The following CUL3 variants were observed in gnomAD, a reference collection of about 807,000 sequenced individuals.
CUL3 encodes the protein cullin-3.
A neutral mutation model predicts 89.1 loss-of-function variants in CUL3; 19 were observed. The ratio of observed to expected loss-of-function variants is 0.21; its 90% CI spans 0.15 to 0.31. The LOEUF (loss-of-function observed/expected upper bound fraction) is 0.31, where lower values mean the gene tolerates loss of function less well. CUL3 is among the 10% of genes least tolerant of loss of function. The pLI, the probability that CUL3 is intolerant of heterozygous loss-of-function variation, is 1.00. For missense variants in CUL3, 469 were observed against 942.3 expected (o/e 0.50, Z 6.58); for synonymous variants, 351 against 308.4 (o/e 1.14, Z -1.45).
intron 1 of CUL3, among the ~76,000 whole-genome samples, chr2:224,584,205 G>A (rs1695511849): frequency 6.6e-6 from 1 of 152,272 alleles, no homozygotes; most frequent in East Asian, 1.9e-4. Flanking sequence ...TACTCCGCAA[G>A]GCGACTACAC....
At chr2:224,536,113 C>T (rs1472974675) in intron 2 of CUL3, among the ~76,000 whole-genome samples, 1 of 152,182 alleles carries the variant, frequency 6.6e-6, no homozygotes, top group East Asian at 1.9e-4. Flanking sequence ...AACCTCTGTG[C>T]CTCAGTTTCC....
intron 1 of CUL3, among the ~76,000 whole-genome samples, chr2:224,574,689 T>C (rs1401078915): frequency 6.6e-6 from 1 of 152,134 alleles, no homozygotes; most frequent in Non-Finnish European, 1.5e-5. Context: ...GAAACAGAAT[T>C]ATAGTTGAAA....
chr2:224,559,276 CCT>C (rs544673478), intron 1 of CUL3, among the ~76,000 whole-genome samples: 71 of 151,532 alleles, frequency 4.7e-4, no homozygotes, highest in Non-Finnish European at 5.3e-4. Context: ...ACAGTGAGAC[CCT>C]GTCTCTACAA....
rs919477811 is a variant in CUL3, at chr2:224,485,975, G to A, written c.1843-3897C>T. ...GGTGATACGTAGGTGAACAGGGTCT[G>A]GAGTGGACCTCCAGCAAACTGCAGC... is the stretch of plus-strand genomic sequence containing the variant. On this transcript the variant is annotated intron_variant, in intron 13 of 15. Coordinates refer to ENST00000264414, the MANE Select transcript of CUL3 (RefSeq NM_003590.5). The surrounding 1 kb of genome is among the most constrained non-coding windows in gnomAD (Gnocchi z 4.1). Among the ~76,000 whole-genome samples the A allele has an allele frequency of 6.6e-6, 1 of 152,258 alleles. No homozygotes were observed. Among genetic ancestry groups the A allele is most frequent in the Non-Finnish European group, 1.5e-5 (1 of 68,046 alleles).
intron 6 of CUL3, among the ~76,000 whole-genome samples, chr2:224,507,936 T>G (rs1211574163): frequency 2.0e-5 from 3 of 152,134 alleles, no homozygotes; most frequent in Non-Finnish European, 4.4e-5. Context: ...CTGTAAAGTA[T>G]CAGATAATAA....
chr2:224,537,320 C>A (rs1237242247), intron 2 of CUL3, among the ~76,000 whole-genome samples: 1 of 152,056 alleles, frequency 6.6e-6, no homozygotes, highest in Non-Finnish European at 1.5e-5. Flanking sequence ...AATGATGAGA[C>A]AATATATCTA....
intron 1 of CUL3, among the ~76,000 whole-genome samples, chr2:224,570,191 G>T (rs1228547503): frequency 3.3e-5 from 5 of 151,874 alleles, no homozygotes; most frequent in Non-Finnish European, 7.4e-5. Context: ...TAATGATAAG[G>T]AGTCTTATTT....
At chr2:224,559,294 T>C (rs561279496) in intron 1 of CUL3, among the ~76,000 whole-genome samples, 10 of 150,834 alleles carry the variant, frequency 6.6e-5, no homozygotes, top group Admixed American at 1.3e-4. Flanking sequence ...TACAAAAAAA[T>C]TTTTTAAGAA....
intron 6 of CUL3, among the ~76,000 whole-genome samples, chr2:224,510,929 T>C (rs1200009553): frequency 1.3e-5 from 2 of 152,176 alleles, no homozygotes; most frequent in Non-Finnish European, 2.9e-5. Context: ...CTGTCACAAC[T>C]AAATCCCAAA....
At chr2:224,565,537 GC>G (rs1695022533) in intron 1 of CUL3, among the ~76,000 whole-genome samples, 1 of 152,070 alleles carries the variant, frequency 6.6e-6, no homozygotes, top group African/African-American at 2.4e-5. Flanking sequence ...CAAATCTTTT[GC>G]CACTGTTTGT....
rs1378177790 is a variant in CUL3, at chr2:224,478,211, G to C, written c.2164C>G (p.Leu722Val). Residue 722 changes from leucine to valine, a missense_variant, in exon 15 of 16, where the codon CTA becomes GTA. Leu to Val is a conservative substitution (Grantham distance 32). This residue lies in a region of CUL3 where 65 missense variants were observed against 147.8 expected (regional missense o/e 0.44). Coordinates refer to ENST00000264414, the MANE Select transcript of CUL3 (RefSeq NM_003590.5). ...TGAAGAGTCCTCACCTCCGCTACTA[G>C]AACATTGTGCTGCATCTTCTTTCTA... is the stretch of plus-strand genomic sequence containing the variant. Reference protein sequence around the residue: ...KSRKKMQHNVLVAEVTQQLKA... With the variant: ...KSRKKMQHNVVVAEVTQQLKA... The C allele has an allele frequency of 6.2e-7, 1 of 1,612,552 alleles. No homozygotes were observed. Among genetic ancestry groups the C allele is most frequent in the Non-Finnish European group, 8.5e-7 (1 of 1,179,126 alleles).
At chr2:224,489,359 A>G (rs1691864714) in intron 13 of CUL3, among the ~76,000 whole-genome samples, 2 of 152,232 alleles carry the variant, frequency 1.3e-5, no homozygotes, top group South Asian at 4.1e-4. Context: ...GGAAAACCCC[A>G]TCGTCTCAGC....
chr2:224,482,581 A>G lies in CUL3; in HGVS notation c.1843-503T>C, dbSNP rs1184338754. ...TGACCATATGTATGCTTCTATGACC[A>G]AATGAAGAAAAAAAAAAACCTGGAA... On this transcript the variant is annotated intron_variant, in intron 13 of 15. Transcript: ENST00000264414. Among the ~76,000 whole-genome samples, 5 of 152,190 alleles carry G rather than the reference A, an allele frequency of 3.3e-5. No individual in the cohort carries two copies. The East Asian group carries it at 9.6e-4, about 29-fold the overall frequency.
intron 8 of CUL3, 100 bp downstream of exon 8, chr2:224,505,856 G>A (rs1039390435): frequency 6.7e-6 from 5 of 749,480 alleles, no homozygotes. Flanking sequence ...CACAGCAATG[G>A]GTCATGCTTA....
chr2:224,585,086 G>A lies in CUL3; in HGVS notation c.-77C>T, dbSNP rs1168955314. ...GTGTCACATTTAAGGCGGGCAGGCA[G>A]GCTAGGGGCGACGCTGGGGGCGGCG... is the stretch of plus-strand genomic sequence containing the variant. On this transcript the variant is annotated 5_prime_UTR_variant, in exon 1 of 16. Transcript: ENST00000264414. 6.5e-6 allele frequency: 8 copies of A among 1,225,766 alleles called. No individual in the cohort carries two copies. The Admixed American group carries it at 8.1e-5, about 12-fold the overall frequency. The allele number at this position is 1,225,766 out of a possible 1,614,324, so 75.9% of individuals were successfully genotyped here.
At chr2:224,553,012 G>C (rs941135690) in intron 2 of CUL3, among the ~76,000 whole-genome samples, 1 of 152,182 alleles carries the variant, frequency 6.6e-6, no homozygotes, top group African/African-American at 2.4e-5. Context: ...CTATGCTTTT[G>C]CACATTGTAT....
intron 3 of CUL3, among the ~76,000 whole-genome samples, chr2:224,535,082 C>T (rs917721148): frequency 5.3e-5 from 8 of 151,830 alleles, no homozygotes; most frequent in East Asian, 1.9e-4. Flanking sequence ...ACATAGGCTT[C>T]GGTTGGCCCT....
At chr2:224,495,725 A>C in intron 13 of CUL3, 107 bp downstream of exon 13, 1 of 887,486 alleles carries the variant, frequency 1.1e-6, no homozygotes, top group Non-Finnish European at 1.7e-6. Flanking sequence ...GTTTTCTCTA[A>C]AAGTACCCAA....
At chr2:224,556,766 G>GT (rs954878038) in intron 2 of CUL3, among the ~76,000 whole-genome samples, 36 of 152,048 alleles carry the variant, frequency 2.4e-4, no homozygotes, top group Admixed American at 2.2e-3. Context: ...GTCTTTTGGG[G>GT]TAGATGAAAT....
Sources: allele counts gnomAD v4.1 joint callset (sites outside exome capture counted in the v4.1 genomes callset), GRCh38; gene constraint gnomAD v4.1.1; regional missense constraint gnomAD v4.1.1; non-coding constraint Gnocchi (gnomAD v3.1); transcripts MANE v1.5; gene names NCBI Gene and HGNC (gene_info 2026-07-23, HGNC 2026-07-21).